Variants in DGKD observed in about 807,000 individuals in gnomAD.
DGKD encodes the protein diacylglycerol kinase delta, also known as DAG kinase delta.
A neutral mutation model predicts 154.4 loss-of-function variants in DGKD; 68 were observed. The ratio of observed to expected loss-of-function variants is 0.44; its 90% CI spans 0.36 to 0.54. The LOEUF is 0.54. Among genes scored for constraint, DGKD ranks in the 20% least tolerant of loss-of-function variants. The pLI, the probability that DGKD is intolerant of heterozygous loss-of-function variation, is 0.00. For missense variants in DGKD, 1,343 were observed against 1,593.6 expected (o/e 0.84, Z 2.68); for synonymous variants, 693 against 638.0 (o/e 1.09, Z -1.30).
chr2:233,369,671 G>A (rs1226132245), intron 1 of DGKD, among the ~76,000 whole-genome samples: 2 of 152,182 alleles, frequency 1.3e-5, no homozygotes, highest in Admixed American at 6.5e-5. Flanking sequence ...GTTTCCTGGG[G>A]ACTTGGCTGG....
chr2:233,455,592 G>A (rs1191225075), intron 19 of DGKD, among the ~76,000 whole-genome samples: 2 of 152,246 alleles, frequency 1.3e-5, no homozygotes, highest in Non-Finnish European at 2.9e-5. Flanking sequence ...AGGGAGAAAT[G>A]AGTGTGGGGG....
chr2:233,403,311 G>C (rs1178151863), intron 3 of DGKD, among the ~76,000 whole-genome samples: 1 of 152,162 alleles, frequency 6.6e-6, no homozygotes, highest in African/African-American at 2.4e-5. Context: ...CGTAATCCCA[G>C]CACTTTGGGA....
chr2:233,441,849 A>C lies in DGKD; in HGVS notation c.1086-38A>C. ...ACAAGCCTGTCATTTGTCCTGTGGA[A>C]TGGATGTCATTTCACGGCCTTTCTC... is the stretch of plus-strand genomic sequence containing the variant. On this transcript the variant is annotated intron_variant, in intron 9 of 29. Transcript: ENST00000264057. The surrounding 1 kb of genome is among the most constrained non-coding windows in gnomAD (Gnocchi z 5.6). 77 of 1,531,058 alleles carry C rather than the reference A, an allele frequency of 5.0e-5. No homozygotes were observed. The highest frequency in any genetic ancestry group is 6.0e-5 in the Non-Finnish European group (67 of 1,109,618). 94.8% of individuals were successfully genotyped at this position (1,531,058 alleles called of 1,614,324 possible). A position where few individuals can be genotyped will look rare whatever the true frequency, so the allele number is the denominator to read the frequency against.
chr2:233,386,680 C>T (rs1703201986), intron 1 of DGKD, among the ~76,000 whole-genome samples: 1 of 152,144 alleles, frequency 6.6e-6, no homozygotes, highest in Non-Finnish European at 1.5e-5. Flanking sequence ...GGGTGGGTGC[C>T]TTCTTCAGAA....
intron 14 of DGKD, among the ~76,000 whole-genome samples, chr2:233,448,765 C>T (rs930522093): frequency 3.9e-5 from 6 of 152,194 alleles, no homozygotes; most frequent in African/African-American, 1.4e-4. Flanking sequence ...ACAAAGGTCA[C>T]ACTCCTGTGC....
Position 233,457,698 on chromosome 2 carries a change from A to T in DGKD, c.2580+370A>T. The T allele has an allele frequency of 2.4e-6, 1 of 412,984 alleles. No homozygotes were observed. Among genetic ancestry groups the T allele is most frequent in the Non-Finnish European group, 4.8e-6 (1 of 206,516 alleles). 25.6% of individuals were successfully genotyped at this position (412,984 alleles called of 1,614,324 possible). A position where few individuals can be genotyped will look rare whatever the true frequency, so the allele number is the denominator to read the frequency against. On this transcript the variant is annotated intron_variant, in intron 21 of 29. Coordinates refer to ENST00000264057, the MANE Select transcript of DGKD (RefSeq NM_152879.3). The surrounding 1 kb of genome is among the most constrained non-coding windows in gnomAD (Gnocchi z 5.5). ...GTTCCAGGCAGAGAGAATTGCACAG[A>T]TGAAGGCTCAGAGTCAAGACAGGGC...
chr2:233,462,341 T>C lies in DGKD; in HGVS notation c.2982-7T>C, dbSNP rs1479754032. 3 of 1,593,580 alleles carry C rather than the reference T, an allele frequency of 1.9e-6. No homozygotes were observed. The highest frequency in any genetic ancestry group is 2.3e-5 in the East Asian group (1 of 44,268). On this transcript the variant is annotated splice_polypyrimidine_tract_variant and splice_region_variant and intron_variant, in intron 24 of 29. Coordinates refer to ENST00000264057, the MANE Select transcript of DGKD (RefSeq NM_152879.3). ...TGACATCTGCCCGTGCTTCTCTTCC[T>C]CTCTAGTATCCGAGAAATAGCTCAG...
intron 1 of DGKD, among the ~76,000 whole-genome samples, chr2:233,374,120 G>A (rs375093023): frequency 5.9e-4 from 82 of 138,180 alleles, no homozygotes; most frequent in South Asian, 2.3e-3. Context: ...GTGTGATCTC[G>A]GCTCACTGCA....
Position 233,450,137 on chromosome 2 carries a change from T to C in DGKD, c.2038+6T>C. The C allele has an allele frequency of 6.2e-7, 1 of 1,604,668 alleles. No homozygotes were observed. Among genetic ancestry groups the C allele is most frequent in the East Asian group, 2.2e-5 (1 of 44,628 alleles). On this transcript the variant is annotated splice_donor_region_variant and intron_variant, in intron 16 of 29. Transcript: ENST00000264057. The stretch of plus-strand genomic sequence containing the variant: ...GGGGAGGAGCCAGCGCAAAGGTACT[T>C]GTGCCTCCACCTCCCTCTGCGCACC...
At chr2:233,461,285 CCTT>C (rs896317233) in intron 24 of DGKD, among the ~76,000 whole-genome samples, 2 of 152,226 alleles carry the variant, frequency 1.3e-5, no homozygotes, top group African/African-American at 2.4e-5. Context: ...CCCCTGGGCT[CCTT>C]CTTCTCCTGG....
intron 3 of DGKD, among the ~76,000 whole-genome samples, chr2:233,424,569 C>T (rs553240314): frequency 3.3e-5 from 5 of 152,282 alleles, no homozygotes; most frequent in African/African-American, 7.2e-5. Flanking sequence ...TGGGAGAGCT[C>T]GTGGTGAGTG....
intron 1 of DGKD, among the ~76,000 whole-genome samples, chr2:233,379,058 C>G (rs1702742681): frequency 6.6e-6 from 1 of 152,182 alleles, no homozygotes. Context: ...TCCTGAGGCA[C>G]TGGCGTGATT....
rs1295424827 is a variant in DGKD at position 233,449,727 on chromosome 2, C to T, written c.1889-255C>T. On this transcript the variant is annotated intron_variant, in intron 15 of 29. Transcript: ENST00000264057. The surrounding 1 kb of genome is among the most constrained non-coding windows in gnomAD (Gnocchi z 5.3). ...CCCGCTTGCAGCCCTCCAGCCTGCG[C>T]CAGGCTCCTCTGCATCCCTTGCCTT... Among the ~76,000 whole-genome samples, 1 of 152,200 alleles carries T rather than the reference C, an allele frequency of 6.6e-6. No homozygotes were observed. The highest frequency in any genetic ancestry group is 2.4e-5 in the African/African-American group (1 of 41,460).
At chr2:233,363,210 A>T (rs1701865565) in intron 1 of DGKD, among the ~76,000 whole-genome samples, 1 of 152,236 alleles carries the variant, frequency 6.6e-6, no homozygotes, top group Non-Finnish European at 1.5e-5. Flanking sequence ...ATTGTCCCTG[A>T]AGACCTTCCA....
At chr2:233,450,165 C>A (rs373957141) in intron 16 of DGKD, 34 bp downstream of exon 16, 1 of 1,570,956 alleles carries the variant, frequency 6.4e-7, no homozygotes, top group African/African-American at 1.4e-5. Context: ...TGCGCACCGT[C>A]GTGTGCTTGG....
chr2:233,460,690 A>G (rs1182482307), intron 24 of DGKD, among the ~76,000 whole-genome samples: 1 of 152,126 alleles, frequency 6.6e-6, no homozygotes, highest in African/African-American at 2.4e-5. Flanking sequence ...AGAGATTGAG[A>G]CCATTCTGGC....
chr2:233,428,963 G>A (rs894157365), intron 3 of DGKD, among the ~76,000 whole-genome samples: 1 of 152,136 alleles, frequency 6.6e-6, no homozygotes, highest in Non-Finnish European at 1.5e-5. Context: ...TTTATTGTCT[G>A]CAAACAACAG....
chr2:233,378,049 C>T lies in DGKD; in HGVS notation c.157-10208C>T, dbSNP rs147142826. ...CTTGAACTACTGGTCTCAAGTGATC[C>T]TCTCACCTCAGCCTCCCAAGTAGCT... On this transcript the variant is annotated intron_variant, in intron 1 of 29. Coordinates refer to ENST00000264057, the MANE Select transcript of DGKD (RefSeq NM_152879.3). 6.5e-3 allele frequency among the ~76,000 whole-genome samples: 991 copies of T among 152,020 alleles called. 11 individuals carry two copies. Among genetic ancestry groups the T allele is most frequent in the African/African-American group, 0.023 (936 of 41,470 alleles).
chr2:233,386,381 G>A (rs1419557697), intron 1 of DGKD, among the ~76,000 whole-genome samples: 1 of 152,178 alleles, frequency 6.6e-6, no homozygotes, highest in Non-Finnish European at 1.5e-5. Flanking sequence ...ATGTGAAAAG[G>A]ATGTTTGGAA....
Sources: allele counts gnomAD v4.1 joint callset (sites outside exome capture counted in the v4.1 genomes callset), GRCh38; gene constraint gnomAD v4.1.1; non-coding constraint Gnocchi (gnomAD v3.1); transcripts MANE v1.5; gene names NCBI Gene and HGNC (gene_info 2026-07-23, HGNC 2026-07-21).